GALNT12: variants seen among roughly 807,000 people sequenced by gnomAD.
GALNT12 encodes polypeptide N-acetylgalactosaminyltransferase 12.
Under a neutral mutation model 55.5 loss-of-function variants are expected in GALNT12, and 45 were observed. The ratio of observed to expected loss-of-function variants is 0.81; its 90% CI spans 0.64 to 1.04. GALNT12 has a LOEUF of 1.04. GALNT12 is among the 50% of genes least tolerant of loss of function. GALNT12 has a pLI of 0.00. For missense variants in GALNT12, 709 were observed against 754.8 expected, an observed-to-expected ratio of 0.94 and a Z score of 0.71; for synonymous variants, 304 against 312.2, an observed-to-expected ratio of 0.97 and a Z score of 0.28.
chr9:98,837,766 A>C (rs1836189687), intron 6 of GALNT12, among the ~76,000 whole-genome samples: 2 of 152,206 alleles, frequency 1.3e-5, no homozygotes, highest in South Asian at 4.1e-4. Flanking sequence ...TGAAACAAGA[A>C]GGCGGTGTGT....
chr9:98,834,832 C>T (rs1006480064), intron 4 of GALNT12, among the ~76,000 whole-genome samples: 1 of 152,192 alleles, frequency 6.6e-6, no homozygotes, highest in African/African-American at 2.4e-5. Context: ...CTAAATGTCC[C>T]TGGATTTCTC....
chr9:98,835,216 C>A, intron 4 of GALNT12, 33 bp from the exon 5 acceptor site: 2 of 1,412,456 alleles, frequency 1.4e-6, no homozygotes, highest in Admixed American at 1.7e-5. Flanking sequence ...TTTCTGCTGT[C>A]TACAGTGAAA....
chr9:98,810,494 A>G (rs1489808997), intron 1 of GALNT12, among the ~76,000 whole-genome samples: 2 of 152,178 alleles, frequency 1.3e-5, no homozygotes, highest in Non-Finnish European at 2.9e-5. Flanking sequence ...AAAAATGAAA[A>G]TCCCCAATAA....
intron 3 of GALNT12, among the ~76,000 whole-genome samples, 186 bp downstream of exon 3, chr9:98,827,127 C>CAA (rs1383939634): frequency 6.6e-6 from 1 of 152,212 alleles, no homozygotes; most frequent in African/African-American, 2.4e-5. Context: ...TAGTGCATGG[C>CAA]AAGTGCCTGG....
intron 8 of GALNT12, among the ~76,000 whole-genome samples, chr9:98,845,053 A>G (rs961003064): frequency 2.6e-5 from 4 of 152,086 alleles, no homozygotes; most frequent in Non-Finnish European, 5.9e-5. Context: ...GTCAAGAGTA[A>G]ACTTTCTTAA....
intron 5 of GALNT12, 109 bp from the exon 6 acceptor site, chr9:98,836,863 G>A: frequency 1.7e-6 from 2 of 1,149,192 alleles, no homozygotes; most frequent in South Asian, 2.5e-5. Context: ...TGAGCATCTT[G>A]GCAGTGTCCA....
rs973765987 is a variant in GALNT12, at chr9:98,831,941, C to T, written c.901C>T (p.Pro301Ser). ...PERERIRMQS[P>S]VDVIRSPTMA... ...GAGGGAGAGGATACGGATGCAATCC[C>T]CCGTCGATGTCATCAGGTCAGGAGC... is the stretch of plus-strand genomic sequence containing the variant. The change falls in exon 4 of 10, where the codon CCC (proline) becomes TCC (serine). Residue 301 changes from proline to serine, a missense_variant. By Grantham distance (74) the Pro-to-Ser change is moderately conservative. This residue lies in a region of GALNT12 where 315 missense variants were observed against 288.6 expected (regional missense o/e 1.09). Coordinates refer to ENST00000375011, the MANE Select transcript of GALNT12 (RefSeq NM_024642.5). The T allele has an allele frequency of 4.3e-6, 7 of 1,613,726 alleles. No individual in the cohort carries two copies. In the Admixed American group the frequency reaches 6.7e-5, roughly 15 times the overall value.
chr9:98,838,005 G>T (rs1836195822), intron 6 of GALNT12, among the ~76,000 whole-genome samples: 1 of 152,164 alleles, frequency 6.6e-6, no homozygotes, highest in Non-Finnish European at 1.5e-5. Context: ...GCCAGGCATT[G>T]TCCATGTGTT....
At chr9:98,848,042 T>C (rs1484973482) in intron 9 of GALNT12, among the ~76,000 whole-genome samples, 2 of 152,132 alleles carry the variant, frequency 1.3e-5, no homozygotes, top group African/African-American at 2.4e-5. Flanking sequence ...TTGAGCTCTT[T>C]GGCCTCAAGT....
Position 98,849,587 on chromosome 9 carries a change from A to G in GALNT12, c.*495A>G. ...CAGTATAGAGAGACTGTCACTAGGA[A>G]CATTGTATTGATTTATTCAGGTCAT... On this transcript the variant is annotated 3_prime_UTR_variant, in exon 10 of 10. Coordinates refer to ENST00000375011, the MANE Select transcript of GALNT12 (RefSeq NM_024642.5). 2.3e-6 allele frequency: 1 copy of G among 431,170 alleles called. No individual in the cohort carries two copies. Among genetic ancestry groups the G allele is most frequent in the East Asian group, 3.3e-5 (1 of 29,912 alleles). 26.7% of individuals were successfully genotyped at this position (431,170 alleles called of 1,614,324 possible).
In GALNT12 at chr9:98,839,889, C is replaced by G. The variant is rs2277189; in HGVS notation, c.1213-113C>G. ...GCTCCACACAGGGCCTGGCATGCGA[C>G]GAATGCTCCATCAAAGCTGGCTGGT... On this transcript the variant is annotated intron_variant, in intron 6 of 9. Transcript: ENST00000375011. 0.53 allele frequency: 711,607 copies of G among 1,333,548 alleles called. 194,457 individuals carry two copies. The highest frequency in any genetic ancestry group is 0.57 in the Non-Finnish European group (529,031 of 927,248). The allele number at this position is 1,333,548 out of a possible 1,614,324, so 82.6% of individuals were successfully genotyped here. A position where few individuals can be genotyped will look rare whatever the true frequency, so the allele number is the denominator to read the frequency against.
chr9:98,816,272 T>C (rs1299225789), intron 1 of GALNT12, among the ~76,000 whole-genome samples: 3 of 151,998 alleles, frequency 2.0e-5, no homozygotes, highest in Admixed American at 6.6e-5. Context: ...TGAATATTAA[T>C]TGAAAAATTG....
chr9:98,836,809 T>C (rs1276027853), intron 5 of GALNT12, among the ~76,000 whole-genome samples, 163 bp from the exon 6 acceptor site: 3 of 152,194 alleles, frequency 2.0e-5, no homozygotes, highest in Non-Finnish European at 4.4e-5. Flanking sequence ...CCACATTCTG[T>C]GTCATGAGTG....
chr9:98,815,725 A>G (rs1835595326), intron 1 of GALNT12, among the ~76,000 whole-genome samples: 1 of 152,264 alleles, frequency 6.6e-6, no homozygotes, highest in South Asian at 2.1e-4. Context: ...CAATTTTAGA[A>G]TGCACAAAAA....
chr9:98,837,238 C>T, intron 6 of GALNT12, 90 bp downstream of exon 6: 1 of 1,265,874 alleles, frequency 7.9e-7, no homozygotes, highest in Non-Finnish European at 1.2e-6. Context: ...GATCTGGTTC[C>T]AGAAATAGAG....
intron 3 of GALNT12, 81 bp from the exon 4 acceptor site, chr9:98,831,691 A>G (rs1564255673): frequency 6.8e-7 from 1 of 1,475,152 alleles, no homozygotes; most frequent in African/African-American, 1.4e-5. Context: ...GGAAGACAAG[A>G]ATTCACCCTT....
In GALNT12 at chr9:98,848,995, C is replaced by T. The variant is rs1341013970; in HGVS notation, c.1649C>T (p.Ala550Val). The T allele has an allele frequency of 6.2e-7, 1 of 1,614,186 alleles. No homozygotes were observed. The highest frequency in any genetic ancestry group is 1.1e-5 in the South Asian group (1 of 91,086). The change falls in exon 10 of 10, where the codon GCT (alanine) becomes GTT (valine). Residue 550 changes from alanine to valine, a missense_variant. Ala to Val is a moderately conservative substitution (Grantham distance 64, BLOSUM62 0). Around this residue, in one of 5 missense-constraint regions of GALNT12, gnomAD observed 262 missense variants for 310.7 expected, o/e 0.84. Coordinates refer to ENST00000375011, the MANE Select transcript of GALNT12 (RefSeq NM_024642.5). ...FHEQSKKCVQAARKESSDSFV... is the reference protein window; with the variant it reads ...FHEQSKKCVQVARKESSDSFV... ...GAACAGTCCAAGAAATGTGTCCAGG[C>T]TGCGAGGAAGGAGTCGAGTGACAGT...
At position 98,840,038 on chromosome 9, in the gene GALNT12, C is replaced by T. The variant is rs766728145; in HGVS notation, c.1249C>T (p.Arg417Trp). The change falls in exon 7 of 10, where the codon CGG becomes TGG. Residue 417 changes from arginine (R) to tryptophan (W), a missense_variant. By Grantham distance (101) the Arg-to-Trp change is moderately radical. This residue lies in a region of GALNT12 where 262 missense variants were observed against 310.7 expected (regional missense o/e 0.84). Transcript: ENST00000375011. ...GGATGTGACAGAGAGGAAGCAGCTCCGGGACAAGCTCCAGTGTAAAGACTT... is the reference window on the plus strand; with the variant it reads ...GGATGTGACAGAGAGGAAGCAGCTCTGGGACAAGCTCCAGTGTAAAGACTT... The part of the protein sequence containing the change: ...FGDVTERKQL[R>W]DKLQCKDFKW... 38 of 1,613,980 alleles carry T rather than the reference C, an allele frequency of 2.4e-5. No individual in the cohort carries two copies. The highest frequency in any genetic ancestry group is 1.1e-4 in the East Asian group (5 of 44,882).
At chr9:98,827,418 C>G (rs536142232) in intron 3 of GALNT12, among the ~76,000 whole-genome samples, 3 of 152,198 alleles carry the variant, frequency 2.0e-5, no homozygotes, top group South Asian at 4.2e-4. Flanking sequence ...TCAGGCTGGT[C>G]TCAAACTCCT....
Sources: gnomAD v4.1 joint callset for allele counts (sites outside exome capture counted in the v4.1 genomes callset) on GRCh38, gnomAD v4.1.1 for gene constraint, gnomAD v4.1.1 regional missense constraint, MANE v1.5 for transcripts, NCBI Gene and HGNC (gene_info 2026-07-23, HGNC 2026-07-21) for gene names.